The following DLGAP1 variants were observed in gnomAD, a reference collection of about 807,000 sequenced individuals.
DLGAP1 encodes the protein disks large-associated protein 1.
DLGAP1 carries 11 observed loss-of-function variants against 90.8 expected under a neutral mutation model. The observed-to-expected ratio is 0.12, with a 90% CI of 0.08 to 0.20. DLGAP1 has a LOEUF of 0.20. Ranked by LOEUF, DLGAP1 falls within the 10% of genes least tolerant of loss-of-function variation. The pLI is 1.00. For missense variants in DLGAP1, 1,050 were observed against 1,333.8 expected, an observed-to-expected ratio of 0.79 and a Z score of 3.31; for synonymous variants, 558 against 540.7, an observed-to-expected ratio of 1.03 and a Z score of -0.44.
intron 7 of DLGAP1, among the ~76,000 whole-genome samples, chr18:3,635,317 T>C (rs945041864): frequency 4.0e-5 from 6 of 150,522 alleles, no homozygotes; most frequent in East Asian, 1.9e-4. Context: ...ATTGTATTTT[T>C]AGTAGAGACG....
rs369461082 is a variant in DLGAP1 at position 4,057,284 on chromosome 18, G to T, written c.-158-52083C>A. 5.3e-5 allele frequency among the ~76,000 whole-genome samples: 8 copies of T among 152,314 alleles called. 1 individual carries two copies. The highest frequency in any genetic ancestry group is 1.9e-4 in the African/African-American group (8 of 41,564). On this transcript the variant is annotated intron_variant, in intron 2 of 12. Transcript: ENST00000315677. ...ACTTCTCGATAAGATCTCAGGAGTT[G>T]AAGTACACCCAAGCATGCATTAAGA...
intron 2 of DLGAP1, among the ~76,000 whole-genome samples, chr18:4,074,420 G>C (rs2075494682): frequency 1.3e-5 from 2 of 152,042 alleles, no homozygotes; most frequent in South Asian, 4.1e-4. Context: ...ATGAGGGAGG[G>C]AGAATCTATT....
At chr18:4,335,997 A>C (rs542709771) in intron 1 of DLGAP1, among the ~76,000 whole-genome samples, 1 of 152,374 alleles carries the variant, frequency 6.6e-6, no homozygotes, top group South Asian at 2.1e-4. Flanking sequence ...TTTGGGGCAC[A>C]AATTGATATA....
Position 4,265,924 on chromosome 18 carries a change from G to GCGAT in DLGAP1, c.-266-114641_-266-114638dup, listed in dbSNP as rs1217053916. Reference sequence around the variant, plus strand: ...GCTGGTCTTGAACTCCTTGGCTCAAGCGATCCTCCCTCCTCAGACTCCAGA... The same window carrying GCGAT: ...GCTGGTCTTGAACTCCTTGGCTCAAGCGATCGATCCTCCCTCCTCAGACTCCAGA... On this transcript the variant is annotated intron_variant, in intron 1 of 12. Coordinates refer to ENST00000315677, the MANE Select transcript of DLGAP1 (RefSeq NM_004746.4). Among the ~76,000 whole-genome samples the GCGAT allele has an allele frequency of 2.6e-5, 4 of 151,584 alleles. No homozygotes were observed. In the East Asian group the frequency reaches 7.8e-4, roughly 29 times the overall value.
At chr18:4,163,793 T>C (rs2076887167) in intron 1 of DLGAP1, among the ~76,000 whole-genome samples, 2 of 152,244 alleles carry the variant, frequency 1.3e-5, no homozygotes, top group African/African-American at 2.4e-5. Flanking sequence ...TTTTCTTCCA[T>C]ACTTTTCTGT....
chr18:3,679,213 C>A (rs927332489), intron 7 of DLGAP1, among the ~76,000 whole-genome samples: 28 of 113,240 alleles, frequency 2.5e-4, no homozygotes, highest in Admixed American at 8.2e-4. Context: ...TACTCCCACC[C>A]CCATGGATTT....
At chr18:4,128,331 G>A (rs754240960) in intron 2 of DLGAP1, among the ~76,000 whole-genome samples, 1 of 152,108 alleles carries the variant, frequency 6.6e-6, no homozygotes, top group Non-Finnish European at 1.5e-5. Flanking sequence ...GGGGATGTGA[G>A]TAGGCTATAT....
chr18:4,024,433 C>T (rs148902500), intron 2 of DLGAP1, among the ~76,000 whole-genome samples: 4 of 152,266 alleles, frequency 2.6e-5, no homozygotes, highest in African/African-American at 9.6e-5. Flanking sequence ...GGGAGTGCTA[C>T]CCCCACAATG....
At chr18:3,925,513 A>T (rs1333992516) in intron 3 of DLGAP1, among the ~76,000 whole-genome samples, 2 of 152,056 alleles carry the variant, frequency 1.3e-5, no homozygotes, top group Admixed American at 6.6e-5. Flanking sequence ...GTGCTCTGGG[A>T]TTGTCATAAC....
At position 4,169,573 on chromosome 18, in the gene DLGAP1, C is replaced by G. The variant is rs190779326; in HGVS notation, c.-266-18286G>C. On this transcript the variant is annotated intron_variant, in intron 1 of 12. Coordinates refer to ENST00000315677, the MANE Select transcript of DLGAP1 (RefSeq NM_004746.4). ...AGAAATCTGCTTAAAAACATCCCAG[C>G]TCCCTCAATGCTCCGATCTCAACCA... Among the ~76,000 whole-genome samples the G allele has an allele frequency of 1.8e-3, 275 of 152,270 alleles. 1 individual carries two copies. Among genetic ancestry groups the G allele is most frequent in the African/African-American group, 5.5e-3 (230 of 41,536 alleles).
intron 2 of DLGAP1, among the ~76,000 whole-genome samples, chr18:4,125,730 G>T (rs1163969416): frequency 6.6e-6 from 1 of 152,192 alleles, no homozygotes; most frequent in East Asian, 1.9e-4. Context: ...GAAAGTAACG[G>T]ACGTTGAAGA....
At chr18:3,536,412 C>T (rs1183659252) in intron 9 of DLGAP1, among the ~76,000 whole-genome samples, 3 of 151,794 alleles carry the variant, frequency 2.0e-5, no homozygotes, top group Non-Finnish European at 4.4e-5. Flanking sequence ...TTAGTAGAGT[C>T]GGGGTTTTGC....
chr18:4,085,561 G>A (rs1420938889), intron 2 of DLGAP1, among the ~76,000 whole-genome samples: 1 of 152,172 alleles, frequency 6.6e-6, no homozygotes, highest in Non-Finnish European at 1.5e-5. Flanking sequence ...GACTGACCCA[G>A]GGAAAGGAAA....
chr18:4,061,770 A>G (rs2075301904), intron 2 of DLGAP1, among the ~76,000 whole-genome samples: 1 of 152,188 alleles, frequency 6.6e-6, no homozygotes, highest in South Asian at 2.1e-4. Flanking sequence ...TTGTTACAGT[A>G]AATTATGTGT....
chr18:4,401,355 T>G (rs1454312352), intron 1 of DLGAP1, among the ~76,000 whole-genome samples: 1 of 152,192 alleles, frequency 6.6e-6, no homozygotes, highest in East Asian at 1.9e-4. Context: ...GCAAAAACCA[T>G]GCTGCTTATT....
intron 4 of DLGAP1, among the ~76,000 whole-genome samples, chr18:3,836,305 T>C (rs1017882265): frequency 1.2e-4 from 18 of 152,160 alleles, no homozygotes; most frequent in Non-Finnish European, 1.6e-4. Flanking sequence ...TTACTGATTT[T>C]ATTTATTAAA....
chr18:3,800,970 A>C (rs963744668), intron 5 of DLGAP1, among the ~76,000 whole-genome samples: 2 of 152,164 alleles, frequency 1.3e-5, no homozygotes, highest in Non-Finnish European at 2.9e-5. Flanking sequence ...GGTTTATAGG[A>C]AGCACGGTGC....
At position 3,772,362 on chromosome 18, in the gene DLGAP1, T is replaced by TTC. The variant is rs1291544009; in HGVS notation, c.1173-29852_1173-29851dup. 1.1e-3 allele frequency among the ~76,000 whole-genome samples: 8 copies of TTC among 7,470 alleles called. 2 individuals are homozygous for TTC. The highest frequency in any genetic ancestry group is 2.1e-3 in the Non-Finnish European group (5 of 2,420). The allele number at this position is 7,470 out of a possible 152,430, so 4.9% of individuals were successfully genotyped here. ...TCTCTCTCTCTCTTTCTTTCTTTCT[T>TTC]TCTTTCTTTCTTTCTTTCTTTCTTT... On this transcript the variant is annotated intron_variant, in intron 5 of 12. Transcript: ENST00000315677.
chr18:3,578,380 T>C (rs2055280412), intron 8 of DLGAP1, among the ~76,000 whole-genome samples: 1 of 151,320 alleles, frequency 6.6e-6, no homozygotes, highest in South Asian at 2.1e-4. Context: ...TTTTTTGAGA[T>C]GGAGTCTTAC....
Sources: gnomAD v4.1 joint callset for allele counts (sites outside exome capture counted in the v4.1 genomes callset) on GRCh38, gnomAD v4.1.1 for gene constraint, MANE v1.5 for transcripts, NCBI Gene and HGNC (gene_info 2026-07-23, HGNC 2026-07-21) for gene names.